Variants in PRKN observed in about 807,000 individuals in gnomAD.
PRKN encodes parkin RBR E3 ubiquitin protein ligase.
Under a neutral mutation model 59.5 loss-of-function variants are expected in PRKN, and 56 were observed. The ratio of observed to expected loss-of-function variants is 0.94; its 90% CI spans 0.76 to 1.18. The LOEUF is 1.18. PRKN is among the 50% of genes most tolerant of loss of function. The pLI is 0.00. For missense variants in PRKN, 657 were observed against 596.4 expected, an observed-to-expected ratio of 1.10 and a Z score of -1.06; for synonymous variants, 250 against 222.1, an observed-to-expected ratio of 1.13 and a Z score of -1.12.
chr6:161,626,018 C>A (rs1341881259), intron 7 of PRKN, among the ~76,000 whole-genome samples: 1 of 152,196 alleles, frequency 6.6e-6, no homozygotes, highest in Non-Finnish European at 1.5e-5. Flanking sequence ...TACATCTGTA[C>A]ATCATCTGAT....
intron 7 of PRKN, among the ~76,000 whole-genome samples, chr6:161,594,824 GA>G (rs933685268): frequency 1.6e-4 from 24 of 151,736 alleles, no homozygotes; most frequent in African/African-American, 5.6e-4. Context: ...GTGAAGAAAA[GA>G]AAAAAATAAG....
chr6:162,260,587 A>T (rs541019260), intron 3 of PRKN, among the ~76,000 whole-genome samples: 100 of 152,272 alleles, frequency 6.6e-4, no homozygotes, highest in African/African-American at 2.4e-3. Context: ...ATTCTCATAA[A>T]AGAAAATTCT....
chr6:162,561,995 C>T (rs1215059587), intron 1 of PRKN, among the ~76,000 whole-genome samples: 1 of 152,162 alleles, frequency 6.6e-6, no homozygotes, highest in Non-Finnish European at 1.5e-5. Flanking sequence ...CACTGCTCCC[C>T]TAATCCCAGG....
At chr6:162,357,112 T>C (rs969343236) in intron 2 of PRKN, among the ~76,000 whole-genome samples, 1 of 152,054 alleles carries the variant, frequency 6.6e-6, no homozygotes, top group African/African-American at 2.4e-5. Context: ...ATGAAAGAAA[T>C]AATTGATAGG....
At chr6:161,745,754 G>A (rs1237483368) in intron 7 of PRKN, among the ~76,000 whole-genome samples, 1 of 152,210 alleles carries the variant, frequency 6.6e-6, no homozygotes. Context: ...GATCAAAGCT[G>A]AGCAAATGTC....
chr6:161,427,137 G>A (rs975105204), intron 9 of PRKN, among the ~76,000 whole-genome samples: 4 of 152,060 alleles, frequency 2.6e-5, no homozygotes, highest in African/African-American at 9.7e-5. Flanking sequence ...TCCCACCTCA[G>A]CCTCCCTGGT....
chr6:162,608,111 A>G (rs886987303), intron 1 of PRKN, among the ~76,000 whole-genome samples: 1 of 152,210 alleles, frequency 6.6e-6, no homozygotes, highest in Admixed American at 6.5e-5. Context: ...CAAAGATTGA[A>G]AAGCAAAGGT....
Position 162,100,208 on chromosome 6 carries a change from G to A in PRKN, c.535-46034C>T, listed in dbSNP as rs151188230. On this transcript the variant is annotated intron_variant, in intron 4 of 11. Transcript: ENST00000366898. ...TGGACACTTAGGTAGGTCCCTACCT[G>A]GGCTATTGTGAATAGTGCGGCAAAG... 2.3e-3 allele frequency among the ~76,000 whole-genome samples: 353 copies of A among 152,246 alleles called. 2 individuals are homozygous for A. Among genetic ancestry groups the A allele is most frequent in the Non-Finnish European group, 4.2e-3 (288 of 68,024 alleles).
rs573501657 is a variant in PRKN at position 161,402,031 on chromosome 6, G to A, written c.1084-15154C>T. 1.3e-5 allele frequency among the ~76,000 whole-genome samples: 2 copies of A among 152,298 alleles called. No homozygotes were observed. The highest frequency in any genetic ancestry group is 3.9e-4 in the East Asian group (2 of 5,176). On this transcript the variant is annotated intron_variant, in intron 9 of 11. Coordinates refer to ENST00000366898, the MANE Select transcript of PRKN (RefSeq NM_004562.3). This position sits in a 1 kb window ranked among gnomAD's most constrained non-coding sequence, Gnocchi z 4.5. Reference sequence around the variant, plus strand: ...ATTTCCCACATTATCCTCTCGATATGCATCTCTGCCATGACTATCAGACAA... The same window carrying A: ...ATTTCCCACATTATCCTCTCGATATACATCTCTGCCATGACTATCAGACAA...
intron 3 of PRKN, among the ~76,000 whole-genome samples, chr6:162,252,175 T>C (rs924963740): frequency 6.6e-6 from 1 of 152,220 alleles, no homozygotes; most frequent in Non-Finnish European, 1.5e-5. Context: ...CTGTCACACA[T>C]TGAATTTTAA....
Position 161,750,823 on chromosome 6 carries a change from G to A in PRKN, c.871+34949C>T, listed in dbSNP as rs1177748468. On this transcript the variant is annotated intron_variant, in intron 7 of 11. Transcript: ENST00000366898. ...TGTCCACGGAATTGATTTAATAGAT[G>A]AATCAATAAGTCTGGTATGACCATC... is the stretch of plus-strand genomic sequence containing the variant. 6.6e-5 allele frequency among the ~76,000 whole-genome samples: 10 copies of A among 151,166 alleles called. 1 individual carries two copies. In the South Asian group the frequency reaches 1.5e-3, roughly 22 times the overall value.
intron 2 of PRKN, among the ~76,000 whole-genome samples, chr6:162,369,222 G>A (rs1289408264): frequency 6.6e-6 from 1 of 152,150 alleles, no homozygotes; most frequent in Non-Finnish European, 1.5e-5. Context: ...AAGTTCTTTT[G>A]TTGCTATTTT....
intron 1 of PRKN, among the ~76,000 whole-genome samples, chr6:162,645,974 A>T (rs749457044): frequency 4.1e-5 from 6 of 145,552 alleles, no homozygotes; most frequent in Non-Finnish European, 5.9e-5. Context: ...TCCTGGGTTC[A>T]TGCCACTCTC....
At chr6:162,368,431 G>A (rs1430094673) in intron 2 of PRKN, among the ~76,000 whole-genome samples, 2 of 152,184 alleles carry the variant, frequency 1.3e-5, no homozygotes, top group African/African-American at 4.8e-5. Context: ...CTGCCATCAG[G>A]ACATGGAAGT....
intron 2 of PRKN, among the ~76,000 whole-genome samples, chr6:162,339,258 C>CGGGAAGTGAGGAGCCCCTCT: frequency 1.4e-5 from 2 of 145,798 alleles, no homozygotes; most frequent in Admixed American, 1.4e-4. Context: ...GTCAGCCCCC[C>CGGGAAGTGAGGAGCCCCTCT]GCCCGGCCAG....
intron 4 of PRKN, among the ~76,000 whole-genome samples, chr6:162,148,596 A>ACAAACAAT (rs1330768377): frequency 2.0e-5 from 3 of 151,508 alleles, no homozygotes; most frequent in Non-Finnish European, 4.4e-5. Flanking sequence ...CCAGATTGAA[A>ACAAACAAT]CAAACAAACA....
At chr6:161,884,835 T>C (rs1795072774) in intron 6 of PRKN, among the ~76,000 whole-genome samples, 1 of 152,160 alleles carries the variant, frequency 6.6e-6, no homozygotes, top group African/African-American at 2.4e-5. Context: ...ACATTTTATA[T>C]GAGAATCAAA....
intron 5 of PRKN, among the ~76,000 whole-genome samples, chr6:161,990,253 C>T (rs1781593948): frequency 6.6e-6 from 1 of 152,200 alleles, no homozygotes; most frequent in African/African-American, 2.4e-5. Flanking sequence ...CTGCCCGAGC[C>T]ACTGAAGAGA....
chr6:162,581,434 A>G (rs1780786328), intron 1 of PRKN, among the ~76,000 whole-genome samples: 1 of 152,264 alleles, frequency 6.6e-6, no homozygotes, highest in South Asian at 2.1e-4. Flanking sequence ...TGACTTACAT[A>G]AAGAATTTGT....
Sources: gnomAD v4.1 joint callset for allele counts (sites outside exome capture counted in the v4.1 genomes callset) on GRCh38, gnomAD v4.1.1 for gene constraint, Gnocchi (gnomAD v3.1) non-coding constraint, MANE v1.5 for transcripts, NCBI Gene and HGNC (gene_info 2026-07-23, HGNC 2026-07-21) for gene names.